Variants in SKA1 observed in about 807,000 individuals in gnomAD.
The protein encoded by SKA1 is SKA complex subunit 1.
A neutral mutation model predicts 31.8 loss-of-function variants in SKA1; 20 were observed. The ratio of observed to expected loss-of-function variants is 0.63; its 90% CI spans 0.44 to 0.91. The LOEUF (loss-of-function observed/expected upper bound fraction) is 0.91. Ranked by LOEUF, SKA1 falls within the 40% of genes least tolerant of loss-of-function variation. The pLI is 0.00. For synonymous variants in SKA1, 88 were observed against 100.5 expected, an observed-to-expected ratio of 0.88 and a Z score of 0.74; for missense variants, 253 against 298.2, an observed-to-expected ratio of 0.85 and a Z score of 1.12.
chr18:50,378,486 A>G (rs7232904), intron 2 of SKA1, among the ~76,000 whole-genome samples: 109,888 of 152,014 alleles, frequency 0.72, 39,848 homozygotes, highest in East Asian at 0.81. Context: ...AGACCAGCCT[A>G]GTAACATAGT....
chr18:50,385,249 A>AATCAAAGTTGAAGAACCT lies in SKA1; in HGVS notation c.346_363dup (p.Ile116_Pro121dup). The AATCAAAGTTGAAGAACCT allele has an allele frequency of 6.2e-7, 1 of 1,613,672 alleles. No individual in the cohort carries two copies. Among genetic ancestry groups the AATCAAAGTTGAAGAACCT allele is most frequent in the Non-Finnish European group, 8.5e-7 (1 of 1,179,788 alleles). ...GATCAGATCTTGATCCTGAAGAACC[A>AATCAAAGTTGAAGAACCT]ATCAAAGTTGAAGAACCTGAACCCG... On this transcript the variant is annotated inframe_insertion, in exon 5 of 7. Coordinates refer to ENST00000285116, the MANE Select transcript of SKA1 (RefSeq NM_145060.4).
intron 6 of SKA1, 141 bp downstream of exon 6, chr18:50,391,434 T>A: frequency 1.1e-6 from 1 of 879,148 alleles, no homozygotes; most frequent in African/African-American, 1.8e-5. Flanking sequence ...AGGAGACATT[T>A]TACCATGTCT....
intron 5 of SKA1, among the ~76,000 whole-genome samples, chr18:50,386,983 A>T (rs1020989426): frequency 9.2e-5 from 14 of 152,344 alleles, no homozygotes; most frequent in East Asian, 3.9e-4. Flanking sequence ...AAGCGCTAAA[A>T]ACGTTCATGT....
chr18:50,385,097 G>A (rs2041296119), intron 4 of SKA1, 119 bp from the exon 5 acceptor site: 2 of 759,848 alleles, frequency 2.6e-6, no homozygotes, highest in South Asian at 2.8e-5. Context: ...AAAAAATGTT[G>A]GCAATAAGAT....
chr18:50,384,867 AAATT>A (rs1211308653), intron 4 of SKA1, among the ~76,000 whole-genome samples: 6 of 123,062 alleles, frequency 4.9e-5, no homozygotes, highest in African/African-American at 2.1e-4. Context: ...AAAAAAAAAA[AAATT>A]AAAAAAAAAA....
At position 50,392,108 on chromosome 18, in the gene SKA1, T is replaced by C; in HGVS notation, c.629T>C (p.Phe210Ser). Residue 210 changes from phenylalanine (F) to serine (S), a missense_variant, in exon 7 of 7, where the codon TTT (phenylalanine) becomes TCT (serine). By Grantham distance (155) the Phe-to-Ser change is radical (BLOSUM62 -2). Transcript: ENST00000285116. ...ATATCTTTATTTTTAGGTCGTTATTTTATAGTGGAAGCTGACATAAAGGAG... is the reference window on the plus strand; with the variant it reads ...ATATCTTTATTTTTAGGTCGTTATTCTATAGTGGAAGCTGACATAAAGGAG... ...EETKDTKGRY[F>S]IVEADIKEFT... The C allele has an allele frequency of 6.3e-7, 1 of 1,581,102 alleles. No homozygotes were observed. The highest frequency in any genetic ancestry group is 8.5e-7 in the Non-Finnish European group (1 of 1,170,630).
At chr18:50,383,357 C>T (rs578076454) in intron 4 of SKA1, among the ~76,000 whole-genome samples, 6 of 152,280 alleles carry the variant, frequency 3.9e-5, no homozygotes, top group Non-Finnish European at 7.4e-5. Context: ...ACTTGGCTGC[C>T]TCCTTTTTCT....
At chr18:50,388,205 A>G (rs974880358) in intron 5 of SKA1, among the ~76,000 whole-genome samples, 2 of 152,178 alleles carry the variant, frequency 1.3e-5, no homozygotes, top group African/African-American at 4.8e-5. Flanking sequence ...CTCCTGCCTC[A>G]GCCTCCAGAG....
chr18:50,384,985 A>C (rs2041295217), intron 4 of SKA1, among the ~76,000 whole-genome samples: 1 of 151,886 alleles, frequency 6.6e-6, no homozygotes, highest in African/African-American at 2.4e-5. Flanking sequence ...ATATCATGTT[A>C]CACGTAAATA....
chr18:50,384,856 T>TAAAAAA (rs371161517), intron 4 of SKA1, among the ~76,000 whole-genome samples: 1 of 61,726 alleles, frequency 1.6e-5, no homozygotes, highest in Non-Finnish European at 2.8e-5. Context: ...TAGAGTATAA[T>TAAAAAA]AAAAAAAAAA....
rs749860868 is a variant in SKA1, at chr18:50,392,250, C to A, written c.*3C>A. 2 of 1,543,290 alleles carry A rather than the reference C, an allele frequency of 1.3e-6. No homozygotes were observed. Among genetic ancestry groups the A allele is most frequent in the Non-Finnish European group, 1.7e-6 (2 of 1,150,148 alleles). On this transcript the variant is annotated 3_prime_UTR_variant, in exon 7 of 7. Transcript: ENST00000285116. ...TTACTCGTTATGTTATAACCTGAGT[C>A]CCTTGTGAACTTTTGAACATACCAA...
intron 2 of SKA1, among the ~76,000 whole-genome samples, chr18:50,376,812 A>AT (rs35073697): frequency 0.72 from 107,603 of 150,132 alleles, 38,658 homozygotes; most frequent in East Asian, 0.81. Flanking sequence ...CTTTTTTTCT[A>AT]TTTTTTTTTA....
intron 1 of SKA1, 99 bp downstream of exon 1, chr18:50,375,293 G>C (rs1038452231): frequency 5.2e-5 from 8 of 152,502 alleles, no homozygotes; most frequent in Admixed American, 2.0e-4. Context: ...GGGGAGGACG[G>C]GGCTGGAGGC....
Position 50,382,190 on chromosome 18 carries a change from CT to C in SKA1, c.277del (p.Ser93ProfsTer6). On this transcript the variant is annotated frameshift_variant, in exon 4 of 7. Coordinates refer to ENST00000285116, the MANE Select transcript of SKA1 (RefSeq NM_145060.4). LOFTEE classifies it high-confidence loss of function. ...KDIEHLKENV[P>X]SHLPQVTVTQ... The stretch of plus-strand genomic sequence containing the variant: ...ATAGAACATCTTAAAGAAAACGTTC[CT>C]TCCCATTTGCCTCAAGTAACAGTAA... The C allele has an allele frequency of 6.5e-7, 1 of 1,533,744 alleles. No homozygotes were observed. Among genetic ancestry groups the C allele is most frequent in the Admixed American group, 2.4e-5 (1 of 41,312 alleles).
intron 2 of SKA1, among the ~76,000 whole-genome samples, chr18:50,377,119 G>A (rs2041224430): frequency 1.3e-5 from 2 of 151,962 alleles, no homozygotes; most frequent in Middle Eastern, 3.4e-3. Flanking sequence ...ACATAAACTA[G>A]TAACCATTTA....
chr18:50,391,417 T>A, intron 6 of SKA1, 124 bp downstream of exon 6: 1 of 979,724 alleles, frequency 1.0e-6, no homozygotes, highest in East Asian at 3.1e-5. Context: ...GGAGCAGTTA[T>A]CCTACCAGGA....
chr18:50,391,676 T>C (rs1228836167), intron 6 of SKA1, among the ~76,000 whole-genome samples: 2 of 152,230 alleles, frequency 1.3e-5, no homozygotes, highest in African/African-American at 2.4e-5. Context: ...CCTGTTGATA[T>C]AGCTACTTAC....
In SKA1 at chr18:50,392,352, C is replaced by CTTTT. The variant is rs375763517; in HGVS notation, c.*116_*119dup. The CTTTT allele has an allele frequency of 3.9e-4, 223 of 571,358 alleles. No individual in the cohort carries two copies. In the East Asian group the frequency reaches 5.0e-3, roughly 13 times the overall value. The allele number at this position is 571,358 out of a possible 1,614,324, so 35.4% of individuals were successfully genotyped here. On this transcript the variant is annotated 3_prime_UTR_variant, in exon 7 of 7. Transcript: ENST00000285116. ...TTTAACTTTTAATCTTTTTTGTTTC[C>CTTTT]TTTTTTTTTTTTTTGAGACAGGATC...
At chr18:50,381,259 T>C (rs1009344011) in intron 3 of SKA1, among the ~76,000 whole-genome samples, 14 of 152,146 alleles carry the variant, frequency 9.2e-5, no homozygotes, top group Non-Finnish European at 2.1e-4. Flanking sequence ...TGTGTATGAG[T>C]TCATAGCCTC....
Sources: allele counts gnomAD v4.1 joint callset (sites outside exome capture counted in the v4.1 genomes callset), GRCh38; gene constraint gnomAD v4.1.1; transcripts MANE v1.5; gene names NCBI Gene and HGNC (gene_info 2026-07-23, HGNC 2026-07-21).